The following RAD51B variants were observed in gnomAD, a reference collection of about 807,000 sequenced individuals.
RAD51B encodes the protein RAD51 paralog B, also known as DNA repair protein RAD51 homolog 2.
RAD51B carries 38 observed loss-of-function variants against 42.2 expected under a neutral mutation model. The ratio of observed to expected loss-of-function variants is 0.90; its 90% CI spans 0.70 to 1.18. The LOEUF (loss-of-function observed/expected upper bound fraction) is 1.18, where lower values mean the gene tolerates loss of function less well. Among genes scored for constraint, RAD51B ranks in the 50% most tolerant of loss-of-function variants. The pLI is 0.00. For missense variants in RAD51B, 373 were observed against 400.7 expected (o/e 0.93, Z 0.59); for synonymous variants, 154 against 145.2 (o/e 1.06, Z -0.43).
intron 7 of RAD51B, among the ~76,000 whole-genome samples, chr14:67,954,766 AT>A (rs931349900): frequency 6.6e-5 from 10 of 152,204 alleles, no homozygotes; most frequent in African/African-American, 2.2e-4. Context: ...TTCTCTTTAA[AT>A]TGAAAAAAGT....
intron 11 of RAD51B, among the ~76,000 whole-genome samples, chr14:68,654,788 G>A (rs1456071462): frequency 1.6e-4 from 24 of 152,124 alleles, no homozygotes. Flanking sequence ...AGGGTGTCTG[G>A]TTCCTGTAAA....
chr14:67,820,366 G>C (rs1167379778), intron 1 of RAD51B, among the ~76,000 whole-genome samples: 1 of 152,146 alleles, frequency 6.6e-6, no homozygotes, highest in Non-Finnish European at 1.5e-5. Context: ...CTTTGGAACA[G>C]TGTGGCACGT....
chr14:68,450,737 A>C (rs1016058089), intron 9 of RAD51B, among the ~76,000 whole-genome samples: 1 of 152,240 alleles, frequency 6.6e-6, no homozygotes, highest in African/African-American at 2.4e-5. Context: ...TTACATAATC[A>C]GAAAAACATA....
intron 7 of RAD51B, among the ~76,000 whole-genome samples, chr14:68,235,593 A>G (rs1326124966): frequency 6.7e-6 from 1 of 148,254 alleles, no homozygotes; most frequent in South Asian, 2.2e-4. Flanking sequence ...AGTCCCAGCT[A>G]CTTGGGAGGC....
chr14:68,152,477 C>T (rs1291806820), intron 7 of RAD51B, among the ~76,000 whole-genome samples: 1 of 152,190 alleles, frequency 6.6e-6, no homozygotes, highest in African/African-American at 2.4e-5. Flanking sequence ...AGGGACTTTT[C>T]ATGTTGTTGT....
At chr14:68,125,379 G>A (rs1360412755) in intron 7 of RAD51B, 1 of 152,242 alleles carries the variant, frequency 6.6e-6, no homozygotes, top group African/African-American at 2.4e-5. Flanking sequence ...GGCTGTGGCA[G>A]TGCTTGTTTC....
At chr14:68,013,149 T>C (rs1210321914) in intron 7 of RAD51B, among the ~76,000 whole-genome samples, 1 of 152,168 alleles carries the variant, frequency 6.6e-6, no homozygotes, top group African/African-American at 2.4e-5. Flanking sequence ...GTCTGGCAGA[T>C]GTCACTGGCT....
chr14:68,510,389 G>A (rs1323831855), intron 10 of RAD51B, among the ~76,000 whole-genome samples: 1 of 152,170 alleles, frequency 6.6e-6, no homozygotes, highest in East Asian at 1.9e-4. Context: ...GCTGGGGGCG[G>A]GGGAGTGGCC....
chr14:68,430,511 T>C (rs1199680225), intron 9 of RAD51B, among the ~76,000 whole-genome samples: 1 of 152,210 alleles, frequency 6.6e-6, no homozygotes, highest in East Asian at 1.9e-4. Flanking sequence ...TTTGAAGCAA[T>C]TGTGAATGGG....
At chr14:68,383,539 A>G (rs1490855122) in intron 8 of RAD51B, among the ~76,000 whole-genome samples, 1 of 152,196 alleles carries the variant, frequency 6.6e-6, no homozygotes, top group Non-Finnish European at 1.5e-5. Context: ...TCACTCCTTC[A>G]GGATATCCTC....
chr14:68,269,289 C>A (rs2081056264), intron 7 of RAD51B, among the ~76,000 whole-genome samples: 1 of 152,240 alleles, frequency 6.6e-6, no homozygotes, highest in Non-Finnish European at 1.5e-5. Context: ...CCAGTGGTCT[C>A]CCACACTCTT....
intron 4 of RAD51B, among the ~76,000 whole-genome samples, chr14:67,861,515 G>T (rs554169413): frequency 6.6e-6 from 1 of 150,572 alleles, no homozygotes; most frequent in African/African-American, 2.4e-5. Context: ...GAGGCCACTT[G>T]CAGTAAGTTA....
chr14:67,929,733 T>A (rs1186961851), intron 7 of RAD51B, among the ~76,000 whole-genome samples: 1 of 152,180 alleles, frequency 6.6e-6, no homozygotes, highest in Non-Finnish European at 1.5e-5. Flanking sequence ...CTAGTAATAC[T>A]TGCTTTATGC....
intron 7 of RAD51B, among the ~76,000 whole-genome samples, chr14:68,154,023 AC>A (rs530552486): frequency 6.7e-4 from 102 of 152,276 alleles, no homozygotes; most frequent in African/African-American, 2.3e-3. Context: ...TATACAAAGC[AC>A]CTTGTCTGCT....
intron 7 of RAD51B, among the ~76,000 whole-genome samples, chr14:68,283,960 G>A (rs922857405): frequency 3.9e-5 from 6 of 152,338 alleles, no homozygotes; most frequent in South Asian, 2.1e-4. Flanking sequence ...AAAGTAGCAC[G>A]GAAGCACTAC....
chr14:68,031,550 C>T (rs2076041697), intron 7 of RAD51B, among the ~76,000 whole-genome samples: 1 of 152,126 alleles, frequency 6.6e-6, no homozygotes, highest in Admixed American at 6.5e-5. Flanking sequence ...TTGCTCAGTT[C>T]AGTGTTGCCA....
In RAD51B at chr14:68,383,265, G is replaced by A. The variant is rs545700139; in HGVS notation, c.854-28159G>A. On this transcript the variant is annotated intron_variant, in intron 8 of 10. Transcript: ENST00000471583. The stretch of plus-strand genomic sequence containing the variant: ...CTGAAGCTTTTCCAGAATTTACCAT[G>A]TGTACCAGTGTACCAGTTGTTCTCA... Among the ~76,000 whole-genome samples the A allele has an allele frequency of 5.9e-5, 9 of 152,314 alleles. No individual in the cohort carries two copies. In the South Asian group the frequency reaches 1.9e-3, roughly 32 times the overall value.
intron 7 of RAD51B, among the ~76,000 whole-genome samples, chr14:68,127,353 C>T (rs182970137): frequency 2.6e-5 from 4 of 152,208 alleles, no homozygotes; most frequent in East Asian, 3.9e-4. Flanking sequence ...ACTGTTTCAA[C>T]GATTTGTTTA....
At chr14:67,915,773 A>T (rs2044131044) in intron 7 of RAD51B, among the ~76,000 whole-genome samples, 1 of 152,214 alleles carries the variant, frequency 6.6e-6, no homozygotes, top group Non-Finnish European at 1.5e-5. Context: ...ACAACATGTA[A>T]ATAGTCTGTG....
Sources: gnomAD v4.1 joint callset for allele counts (sites outside exome capture counted in the v4.1 genomes callset) on GRCh38, gnomAD v4.1.1 for gene constraint, MANE v1.5 for transcripts, NCBI Gene and HGNC (gene_info 2026-07-23, HGNC 2026-07-21) for gene names.